POLR2F: variants seen among roughly 807,000 people sequenced by gnomAD.
POLR2F encodes RNA polymerase II, I and III subunit F, also known as DNA-directed RNA polymerases I, II, and III subunit RPABC2.
In POLR2F, 12 loss-of-function variants were observed where a neutral mutation model predicts 22.7. The observed-to-expected ratio is 0.53, with a 90% CI of 0.34 to 0.86. The LOEUF (loss-of-function observed/expected upper bound fraction) is 0.86, where lower values mean the gene tolerates loss of function less well. POLR2F is among the 40% of genes least tolerant of loss of function. The pLI, the probability that POLR2F is intolerant of heterozygous loss-of-function variation, is 0.02. For synonymous variants in POLR2F, 57 were observed against 66.0 expected, an observed-to-expected ratio of 0.86 and a Z score of 0.66; for missense variants, 126 against 171.5, an observed-to-expected ratio of 0.73 and a Z score of 1.48.
At chr22:37,977,986 C>T (rs1198404379) in intron 4 of POLR2F, 1 of 1,611,990 alleles carries the variant, frequency 6.2e-7, no homozygotes, top group Admixed American at 1.7e-5. Flanking sequence ...CTCGGCCTCC[C>T]CACCGGGGCA....
At chr22:37,973,206 G>C, downstream of POLR2F, 2 of 394,422 alleles carry the variant, frequency 5.1e-6, no homozygotes, top group Non-Finnish European at 4.6e-6. Flanking sequence ...TCCTGGGATA[G>C]AGGGTCATTC....
At chr22:37,973,453 G>A (rs1301818494), downstream of POLR2F, 7 of 1,325,570 alleles carry the variant, frequency 5.3e-6, no homozygotes, top group South Asian at 8.0e-5. Flanking sequence ...ACACAGGCTG[G>A]GGGCAGGGGC....
At chr22:37,983,581 G>T (rs751332955), upstream of POLR2F, 1 of 1,610,276 alleles carries the variant, frequency 6.2e-7, no homozygotes, top group Admixed American at 1.7e-5. This position sits in a 1 kb window ranked among gnomAD's most constrained non-coding sequence, Gnocchi z 9.5. Flanking sequence ...TGCACACGGG[G>T]AACTTGTCAT....
At chr22:37,958,922 C>T (rs972828078) in intron 2 of POLR2F, among the ~76,000 whole-genome samples, 3 of 152,212 alleles carry the variant, frequency 2.0e-5, no homozygotes, top group African/African-American at 7.2e-5. Flanking sequence ...AGCCACTTGG[C>T]CCATTGGCTC....
chr22:37,975,464 G>T (rs1932192894), intron 4 of POLR2F, among the ~76,000 whole-genome samples: 1 of 152,196 alleles, frequency 6.6e-6, no homozygotes, highest in Non-Finnish European at 1.5e-5. Context: ...ATGTGGTCCA[G>T]GGTCTCCTGA....
intron 1 of POLR2F, among the ~76,000 whole-genome samples, chr22:37,999,023 GT>G (rs2084744731): frequency 6.6e-6 from 1 of 152,020 alleles, no homozygotes; most frequent in Non-Finnish European, 1.5e-5. Context: ...ACCCCCTCCT[GT>G]CATTCCCTCA....
chr22:37,983,348 G>A, upstream of POLR2F: 1 of 1,604,010 alleles, frequency 6.2e-7, no homozygotes, highest in South Asian at 1.1e-5. This position sits in a 1 kb window ranked among gnomAD's most constrained non-coding sequence, Gnocchi z 9.5. Context: ...GGGGCGGTCG[G>A]GTGCTCACCT....
At chr22:37,983,635 C>T, upstream of POLR2F, 1 of 1,601,866 alleles carries the variant, frequency 6.2e-7, no homozygotes, top group Non-Finnish European at 8.5e-7. The surrounding 1 kb of genome is among the most constrained non-coding windows in gnomAD (Gnocchi z 9.5). Context: ...CCTTGCCCAG[C>T]TCGCCTGGCC....
chr22:37,983,026 C>A (rs1932448806), upstream of POLR2F, among the ~76,000 whole-genome samples: 1 of 152,228 alleles, frequency 6.6e-6, no homozygotes, highest in Non-Finnish European at 1.5e-5. This position sits in a 1 kb window ranked among gnomAD's most constrained non-coding sequence, Gnocchi z 9.5. Flanking sequence ...GCATAGTGTG[C>A]GTATCTGTGG....
rs902818213 is a variant in POLR2F at position 37,968,075 on chromosome 22, A to G, written c.*360A>G. On this transcript the variant is annotated 3_prime_UTR_variant, in exon 5 of 5. Transcript: ENST00000442738. ...GAGCTGGTTGCCACGGAAACCCCCA[A>G]TTTCCTTTCCAGTGGGGACTGGCTG... is the stretch of plus-strand genomic sequence containing the variant. The G allele has an allele frequency of 1.1e-5, 11 of 1,005,064 alleles. No individual in the cohort carries two copies. The highest frequency in any genetic ancestry group is 5.5e-5 in the Admixed American group (1 of 18,158). 62.3% of individuals were successfully genotyped at this position (1,005,064 alleles called of 1,614,324 possible). A position where few individuals can be genotyped will look rare whatever the true frequency, so the allele number is the denominator to read the frequency against.
At chr22:38,024,851 C>T (rs2084993063) in intron 1 of POLR2F, among the ~76,000 whole-genome samples, 1 of 151,962 alleles carries the variant, frequency 6.6e-6, no homozygotes, top group South Asian at 2.1e-4. Context: ...AGGGGTCGTG[C>T]AGGGTGCTGT....
intron 3 of POLR2F, among the ~76,000 whole-genome samples, chr22:37,960,355 C>T (rs1188448112): frequency 6.6e-6 from 1 of 152,100 alleles, no homozygotes; most frequent in Non-Finnish European, 1.5e-5. Context: ...TCCCGCGTAG[C>T]TGGGACTACA....
At chr22:38,028,504 G>A (rs553008350), downstream of POLR2F, among the ~76,000 whole-genome samples, 334 of 152,004 alleles carry the variant, frequency 2.2e-3, 2 homozygotes, top group African/African-American at 7.5e-3. Flanking sequence ...GTGTGTGTGC[G>A]TGTGCGTACG....
rs1247504518 is a variant in POLR2F, at chr22:37,996,546, A to AGGAGGGATGGAGCG, written c.120+10235_120+10248dup. On this transcript the variant is annotated intron_variant, in intron 1 of 2. Transcript: ENST00000333418. ...GAGAGCTTGGCTGGGGCCTTGAGGC[A>AGGAGGGATGGAGCG]GGAGGGATGGAGCGAGAGGGAGAGG... Among the ~76,000 whole-genome samples, 8 of 152,202 alleles carry AGGAGGGATGGAGCG rather than the reference A, an allele frequency of 5.3e-5. 1 individual carries two copies. In the East Asian group the frequency reaches 1.5e-3, roughly 29 times the overall value.
Position 37,997,840 on chromosome 22 carries a change from G to A in POLR2F, c.120+11528G>A, listed in dbSNP as rs1601897738. On this transcript the variant is annotated intron_variant, in intron 1 of 2. Coordinates refer to the POLR2F transcript ENST00000333418. This position sits in a 1 kb window ranked among gnomAD's most constrained non-coding sequence, Gnocchi z 4.4. ...CACAGCTCACCGTCTGTCGAGGGGGGACAGGCAGGAGGTAAGGATGCGTCC... is the reference window on the plus strand; with the variant it reads ...CACAGCTCACCGTCTGTCGAGGGGGAACAGGCAGGAGGTAAGGATGCGTCC... Among the ~76,000 whole-genome samples, 1 of 152,192 alleles carries A rather than the reference G, an allele frequency of 6.6e-6. No individual in the cohort carries two copies. Among genetic ancestry groups the A allele is most frequent in the Non-Finnish European group, 1.5e-5 (1 of 68,028 alleles).
In POLR2F at chr22:37,953,776, G is replaced by C; in HGVS notation, c.-12G>C. Reference sequence around the variant, plus strand: ...GACCGGGGCGCAGCGGGGTCGCTGAGGCGAGGGTGTCATGTCAGACAACGA... The same window carrying C: ...GACCGGGGCGCAGCGGGGTCGCTGACGCGAGGGTGTCATGTCAGACAACGA... On this transcript the variant is annotated 5_prime_UTR_variant, in exon 1 of 5. Coordinates refer to ENST00000442738, the MANE Select transcript of POLR2F (RefSeq NM_021974.5). The C allele has an allele frequency of 6.2e-7, 1 of 1,608,654 alleles. No individual in the cohort carries two copies. The highest frequency in any genetic ancestry group is 8.5e-7 in the Non-Finnish European group (1 of 1,178,698).
At chr22:37,966,974 T>C in intron 3 of POLR2F, 125 bp from the exon 4 acceptor site, 1 of 671,254 alleles carries the variant, frequency 1.5e-6, no homozygotes, top group Non-Finnish European at 2.6e-6. Flanking sequence ...CACTCCCTAC[T>C]GTGCCTGCCT....
At chr22:38,021,016 A>AT (rs2084956869) in intron 1 of POLR2F, among the ~76,000 whole-genome samples, 3 of 152,146 alleles carry the variant, frequency 2.0e-5, no homozygotes, top group Non-Finnish European at 4.4e-5. Flanking sequence ...GCTCATGGCC[A>AT]CTGGCTGGGC....
At chr22:37,963,110 C>T (rs947851805) in intron 3 of POLR2F, among the ~76,000 whole-genome samples, 2 of 151,942 alleles carry the variant, frequency 1.3e-5, no homozygotes, top group African/African-American at 2.4e-5. Flanking sequence ...CCTGAGCTTC[C>T]CGGGTAGCTG....
Sources: gnomAD v4.1 joint callset for allele counts (sites outside exome capture counted in the v4.1 genomes callset) on GRCh38, gnomAD v4.1.1 for gene constraint, Gnocchi (gnomAD v3.1) non-coding constraint, MANE v1.5 for transcripts, NCBI Gene and HGNC (gene_info 2026-07-23, HGNC 2026-07-21) for gene names.